TTC38: variants seen among roughly 807,000 people sequenced by gnomAD.
The protein encoded by TTC38 is tetratricopeptide repeat domain 38.
TTC38 carries 64 observed loss-of-function variants against 64.2 expected under a neutral mutation model. That is an observed-to-expected ratio of 1.00 (90% CI 0.81 to 1.23). TTC38 has a LOEUF of 1.23. Ranked by LOEUF, TTC38 falls within the 50% of genes most tolerant of loss-of-function variation. The pLI is 0.00. For synonymous variants in TTC38, 254 were observed against 249.3 expected, an observed-to-expected ratio of 1.02 and a Z score of -0.18; for missense variants, 573 against 615.5, an observed-to-expected ratio of 0.93 and a Z score of 0.73.
rs1022494065 is a variant in TTC38, at chr22:46,287,304, T to C, written c.916+150T>C. The C allele has an allele frequency of 1.3e-5, 8 of 629,806 alleles. No individual in the cohort carries two copies. The African/African-American group carries it at 1.5e-4, about 12-fold the overall frequency. The allele number at this position is 629,806 out of a possible 1,614,324, so 39.0% of individuals were successfully genotyped here. Reference sequence around the variant, plus strand: ...GGCCTGGCCACTGCCTTGGGTACCGTTCTGCAGCTGCCTCCCAGCTGGCCC... The same window carrying C: ...GGCCTGGCCACTGCCTTGGGTACCGCTCTGCAGCTGCCTCCCAGCTGGCCC... On this transcript the variant is annotated intron_variant, in intron 10 of 13. Transcript: ENST00000381031.
At position 46,273,783 on chromosome 22, in the gene TTC38, C is replaced by A; in HGVS notation, c.194-115C>A. On this transcript the variant is annotated intron_variant, in intron 3 of 13. Coordinates refer to ENST00000381031, the MANE Select transcript of TTC38 (RefSeq NM_017931.4). The surrounding 1 kb of genome is among the most constrained non-coding windows in gnomAD (Gnocchi z 5.1). Reference sequence around the variant, plus strand: ...CAGGGCCACAGTGCCCAGCCTGCTGCTGCCTGGCTGGCCCCTCCTGGGACG... The same window carrying A: ...CAGGGCCACAGTGCCCAGCCTGCTGATGCCTGGCTGGCCCCTCCTGGGACG... The A allele has an allele frequency of 9.9e-7, 1 of 1,006,142 alleles. No homozygotes were observed. Among genetic ancestry groups the A allele is most frequent in the Non-Finnish European group, 1.5e-6 (1 of 679,710 alleles). 62.3% of individuals were successfully genotyped at this position (1,006,142 alleles called of 1,614,324 possible).
At chr22:46,269,004 A>T in intron 2 of TTC38, 1 of 350,524 alleles carries the variant, frequency 2.9e-6, no homozygotes, top group Non-Finnish European at 5.8e-6. Flanking sequence ...AAGCTTTTTA[A>T]ATTGCGCCAT....
intron 7 of TTC38, among the ~76,000 whole-genome samples, chr22:46,283,105 T>A (rs537704433): frequency 8.1e-4 from 115 of 141,642 alleles, no homozygotes; most frequent in East Asian, 2.4e-3. Context: ...ATTAAAAAAA[T>A]TTTTTTTTTT....
At chr22:46,287,384 C>T (rs1220047023) in intron 10 of TTC38, among the ~76,000 whole-genome samples, 5 of 152,242 alleles carry the variant, frequency 3.3e-5, no homozygotes. Context: ...TCCCACCGCT[C>T]CTCGATGTGG....
chr22:46,280,895 AG>A (rs1189910428), intron 6 of TTC38, among the ~76,000 whole-genome samples: 4 of 152,366 alleles, frequency 2.6e-5, no homozygotes, highest in Non-Finnish European at 5.9e-5. Flanking sequence ...CCATTTTCTA[AG>A]CTCTGACTGT....
chr22:46,272,184 T>C lies in TTC38; in HGVS notation c.112-151T>C. 1.8e-6 allele frequency: 1 copy of C among 568,304 alleles called. No individual in the cohort carries two copies. Among genetic ancestry groups the C allele is most frequent in the South Asian group, 1.9e-5 (1 of 52,500 alleles). 35.2% of individuals were successfully genotyped at this position (568,304 alleles called of 1,614,324 possible). ...TTTTCTATTTTTAGTAGAGATGGGG[T>C]TTTACCGTGTTGGTCAGGCTGGTCT... On this transcript the variant is annotated intron_variant, in intron 2 of 13. Coordinates refer to ENST00000381031, the MANE Select transcript of TTC38 (RefSeq NM_017931.4). The surrounding 1 kb of genome is among the most constrained non-coding windows in gnomAD (Gnocchi z 6.4).
chr22:46,286,729 C>T lies in TTC38; in HGVS notation c.835-344C>T, dbSNP rs571049851. Among the ~76,000 whole-genome samples the T allele has an allele frequency of 4.6e-5, 7 of 152,150 alleles. No individual in the cohort carries two copies. In the East Asian group the frequency reaches 9.6e-4, roughly 21 times the overall value. On this transcript the variant is annotated intron_variant, in intron 9 of 13. Transcript: ENST00000381031. ...CACCGTGAGCTCGAGGTGGGCTCCT[C>T]AGCAAAGCTGAGTCTAGAAACGTGA...
In TTC38 at chr22:46,270,305, C is replaced by T. The variant is rs1462974510; in HGVS notation, c.111+1714C>T. 2.0e-5 allele frequency among the ~76,000 whole-genome samples: 3 copies of T among 150,326 alleles called. No homozygotes were observed. Among genetic ancestry groups the T allele is most frequent in the Admixed American group, 2.0e-4 (3 of 15,100 alleles). On this transcript the variant is annotated intron_variant, in intron 2 of 13. Coordinates refer to ENST00000381031, the MANE Select transcript of TTC38 (RefSeq NM_017931.4). The surrounding 1 kb of genome is among the most constrained non-coding windows in gnomAD (Gnocchi z 4.7). ...TTGGGAGGCTGAGGCAGGGGGATTGCTTGAGCCTGGGCGGTTGAGACTGAA... is the reference window on the plus strand; with the variant it reads ...TTGGGAGGCTGAGGCAGGGGGATTGTTTGAGCCTGGGCGGTTGAGACTGAA...
At chr22:46,288,317 A>G in intron 10 of TTC38, 106 bp from the exon 11 acceptor site, 1 of 1,215,952 alleles carries the variant, frequency 8.2e-7, no homozygotes, top group Non-Finnish European at 1.2e-6. Flanking sequence ...CTCACCTGGG[A>G]CAGGGTCATC....
Position 46,287,299 on chromosome 22 carries a change from T to TGGCCGCTCCAG in TTC38, c.916+145_916+146insGGCCGCTCCAG, listed in dbSNP as rs1374916205. ...CTGCAGGCCTGGCCACTGCCTTGGG[T>TGGCCGCTCCAG]ACCGTTCTGCAGCTGCCTCCCAGCT... On this transcript the variant is annotated intron_variant, in intron 10 of 13. Coordinates refer to ENST00000381031, the MANE Select transcript of TTC38 (RefSeq NM_017931.4). 1.2e-5 allele frequency: 8 copies of TGGCCGCTCCAG among 653,800 alleles called. No individual in the cohort carries two copies. The African/African-American group carries it at 1.5e-4, about 12-fold the overall frequency. 40.5% of individuals were successfully genotyped at this position (653,800 alleles called of 1,614,324 possible).
Position 46,282,062 on chromosome 22 carries a change from C to T in TTC38, c.735+344C>T. Reference sequence around the variant, plus strand: ...GTGGGATGTGGAAACGCAGAGGAAGCATTAAACTCAACTGGGCTTGGGGGG... The same window carrying T: ...GTGGGATGTGGAAACGCAGAGGAAGTATTAAACTCAACTGGGCTTGGGGGG... On this transcript the variant is annotated intron_variant, in intron 7 of 13. Coordinates refer to ENST00000381031, the MANE Select transcript of TTC38 (RefSeq NM_017931.4). The surrounding 1 kb of genome is among the most constrained non-coding windows in gnomAD (Gnocchi z 4.4). The T allele has an allele frequency of 2.2e-6, 1 of 465,082 alleles. No homozygotes were observed. Among genetic ancestry groups the T allele is most frequent in the Non-Finnish European group, 4.4e-6 (1 of 228,350 alleles). 28.8% of individuals were successfully genotyped at this position (465,082 alleles called of 1,614,324 possible). A position where few individuals can be genotyped will look rare whatever the true frequency, so the allele number is the denominator to read the frequency against.
rs140389638 is a variant in TTC38 at position 46,281,229 on chromosome 22, G to A, written c.616-370G>A. On this transcript the variant is annotated intron_variant, in intron 6 of 13. Transcript: ENST00000381031. The surrounding 1 kb of genome is among the most constrained non-coding windows in gnomAD (Gnocchi z 5.2). ...AGCATCCGTGGCCTTCCAGGCAGGC[G>A]GCAGCTGAGGCCCAGAGAGGGCGGG... Among the ~76,000 whole-genome samples, 130 of 152,354 alleles carry A rather than the reference G, an allele frequency of 8.5e-4. No individual in the cohort carries two copies. Among genetic ancestry groups the A allele is most frequent in the African/African-American group, 2.5e-3 (102 of 41,582 alleles).
At position 46,282,824 on chromosome 22, in the gene TTC38, G is replaced by A. The variant is rs2077544270; in HGVS notation, c.735+1106G>A. On this transcript the variant is annotated intron_variant, in intron 7 of 13. Coordinates refer to ENST00000381031, the MANE Select transcript of TTC38 (RefSeq NM_017931.4). The surrounding 1 kb of genome is among the most constrained non-coding windows in gnomAD (Gnocchi z 4.4). ...TACTTTAACACTGCTTCATACTGAG[G>A]GCAGCCTAAGGTAGCCACCCACATA... Among the ~76,000 whole-genome samples, 1 of 152,164 alleles carries A rather than the reference G, an allele frequency of 6.6e-6. No individual in the cohort carries two copies. The highest frequency in any genetic ancestry group is 2.1e-4 in the South Asian group (1 of 4,826).
intron 6 of TTC38, among the ~76,000 whole-genome samples, chr22:46,280,732 G>A (rs1306015777): frequency 1.3e-5 from 2 of 152,244 alleles, no homozygotes; most frequent in Non-Finnish European, 2.9e-5. Flanking sequence ...CACAGGAGGT[G>A]CTGGGCCAGG....
rs1160837436 is a variant in TTC38, at chr22:46,289,877, A to G, written c.1294A>G (p.Ser432Gly). The G allele has an allele frequency of 5.0e-6, 8 of 1,614,148 alleles. No individual in the cohort carries two copies. Among genetic ancestry groups the G allele is most frequent in the Non-Finnish European group, 6.8e-6 (8 of 1,180,018 alleles). The change falls in exon 13 of 14, where the codon AGC (serine) becomes GGC (glycine). Residue 432 changes from serine (S) to glycine (G), a missense_variant. By Grantham distance (56) the Ser-to-Gly change is moderately conservative. This residue lies in a region of TTC38 where 371 missense variants were observed against 381.8 expected (regional missense o/e 0.97). Coordinates refer to ENST00000381031, the MANE Select transcript of TTC38 (RefSeq NM_017931.4). Reference protein sequence around the residue: ...LIHAALNCTSSVHKNVARSLL... With the variant: ...LIHAALNCTSGVHKNVARSLL... ...TCACGCGGCCTTAAACTGCACCTCC[A>G]GCGTCCATAAGAACGTAGCCCGGTG...
At position 46,292,890 on chromosome 22, in the gene TTC38, C is replaced by G. The variant is rs2077626612; in HGVS notation, c.*6C>G. Reference sequence around the variant, plus strand: ...CCGTCCACCTCATGCAGTGAGCCAGCCTGGCCGCCTCCACCCTGCAGAACC... The same window carrying G: ...CCGTCCACCTCATGCAGTGAGCCAGGCTGGCCGCCTCCACCCTGCAGAACC... On this transcript the variant is annotated 3_prime_UTR_variant, in exon 14 of 14. Transcript: ENST00000381031. This position sits in a 1 kb window ranked among gnomAD's most constrained non-coding sequence, Gnocchi z 6.5. 8 of 1,609,536 alleles carry G rather than the reference C, an allele frequency of 5.0e-6. No individual in the cohort carries two copies. Among genetic ancestry groups the G allele is most frequent in the Non-Finnish European group, 5.9e-6 (7 of 1,176,476 alleles).
At position 46,272,141 on chromosome 22, in the gene TTC38, C is replaced by T. The variant is rs1048873402; in HGVS notation, c.112-194C>T. The stretch of plus-strand genomic sequence containing the variant: ...AAGTGGCTGGGACTACAGGCATGCA[C>T]CACCACGCCCCACTAATTTTTCTAT... On this transcript the variant is annotated intron_variant, in intron 2 of 13. Transcript: ENST00000381031. The surrounding 1 kb of genome is among the most constrained non-coding windows in gnomAD (Gnocchi z 6.4). Among the ~76,000 whole-genome samples, 1 of 152,114 alleles carries T rather than the reference C, an allele frequency of 6.6e-6. No homozygotes were observed. Among genetic ancestry groups the T allele is most frequent in the African/African-American group, 2.4e-5 (1 of 41,408 alleles).
At position 46,281,544 on chromosome 22, in the gene TTC38, C is replaced by T. The variant is rs556788232; in HGVS notation, c.616-55C>T. 7.9e-5 allele frequency: 126 copies of T among 1,603,016 alleles called. 1 individual carries two copies. The highest frequency in any genetic ancestry group is 4.7e-4 in the African/African-American group (35 of 74,830). The stretch of plus-strand genomic sequence containing the variant: ...CTTAGAGACCTGCCGTCGCCTGCCC[C>T]GGCAGCCTGACTGATCTGCTTTATC... On this transcript the variant is annotated intron_variant, in intron 6 of 13. Coordinates refer to ENST00000381031, the MANE Select transcript of TTC38 (RefSeq NM_017931.4). The surrounding 1 kb of genome is among the most constrained non-coding windows in gnomAD (Gnocchi z 5.2).
intron 2 of TTC38, chr22:46,269,091 C>CA (rs1175878734): frequency 5.3e-6 from 2 of 378,872 alleles, no homozygotes; most frequent in Non-Finnish European, 1.0e-5. Context: ...TATCTCTGCC[C>CA]CCCCCCCACA....
Sources: allele counts gnomAD v4.1 joint callset (sites outside exome capture counted in the v4.1 genomes callset), GRCh38; gene constraint gnomAD v4.1.1; regional missense constraint gnomAD v4.1.1; non-coding constraint Gnocchi (gnomAD v3.1); transcripts MANE v1.5; gene names NCBI Gene and HGNC (gene_info 2026-07-23, HGNC 2026-07-21).